KCNQ1: variants seen among roughly 807,000 people sequenced by gnomAD.
The protein encoded by KCNQ1 is potassium voltage-gated channel subfamily KQT member 1.
In KCNQ1, 49 loss-of-function variants were observed where a neutral mutation model predicts 72.4. The observed-to-expected ratio is 0.68, with a 90% confidence interval of 0.54 to 0.86. The LOEUF is 0.86. KCNQ1 is among the 40% of genes least tolerant of loss of function. The pLI, the probability that KCNQ1 is intolerant of heterozygous loss-of-function variation, is 0.00. For synonymous variants in KCNQ1, 450 were observed against 412.6 expected (o/e 1.09, Z -1.10); for missense variants, 790 against 945.1 (o/e 0.84, Z 2.15).
At chr11:2,741,734 A>G (rs1488265107) in intron 11 of KCNQ1, among the ~76,000 whole-genome samples, 1 of 152,218 alleles carries the variant, frequency 6.6e-6, no homozygotes, top group African/African-American at 2.4e-5. Flanking sequence ...GGGCCGGAGC[A>G]CAGCCGGCCT....
intron 1 of KCNQ1, among the ~76,000 whole-genome samples, chr11:2,448,294 T>G (rs913766464): frequency 1.5e-4 from 23 of 152,228 alleles, no homozygotes; most frequent in Non-Finnish European, 2.5e-4. Flanking sequence ...AACCTAAGTC[T>G]GGCTCAGCAG....
Position 2,724,991 on chromosome 11 carries a change from G to A in KCNQ1, c.1515-43853G>A, listed in dbSNP as rs1460325537. On this transcript the variant is annotated intron_variant, in intron 11 of 15. Transcript: ENST00000155840. The surrounding 1 kb of genome is among the most constrained non-coding windows in gnomAD (Gnocchi z 6.8). ...TCAGGAGCCACTGGATTGGAACTTG[G>A]TGTGCCACCAGGGTCCCTGTCCGTT... Among the ~76,000 whole-genome samples, 1 of 152,194 alleles carries A rather than the reference G, an allele frequency of 6.6e-6. No homozygotes were observed. Among genetic ancestry groups the A allele is most frequent in the Non-Finnish European group, 1.5e-5 (1 of 68,044 alleles).
At chr11:2,825,436 G>C (rs892361327) in intron 15 of KCNQ1, among the ~76,000 whole-genome samples, 2 of 152,014 alleles carry the variant, frequency 1.3e-5, no homozygotes, top group African/African-American at 4.8e-5. Context: ...CAAGCACCAC[G>C]CGGGGGGGTA....
intron 10 of KCNQ1, chr11:2,631,870 T>C (rs1382302334): frequency 2.5e-6 from 1 of 398,212 alleles, no homozygotes; most frequent in East Asian, 3.6e-5. Flanking sequence ...TTTCAGATTG[T>C]TTGTGATTAA....
At chr11:2,513,919 G>A (rs1245523946) in intron 1 of KCNQ1, among the ~76,000 whole-genome samples, 2 of 152,204 alleles carry the variant, frequency 1.3e-5, no homozygotes, top group African/African-American at 4.8e-5. Flanking sequence ...GGCCTCTGAT[G>A]CCCCCCGGCC....
In KCNQ1 at chr11:2,559,169, C is replaced by T. The variant is rs563553734; in HGVS notation, c.478-11459C>T. On this transcript the variant is annotated intron_variant, in intron 2 of 15. Coordinates refer to ENST00000155840, the MANE Select transcript of KCNQ1 (RefSeq NM_000218.3). The surrounding 1 kb of genome is among the most constrained non-coding windows in gnomAD (Gnocchi z 4.9). ...TCCCTTGAGCAAAATATTGCACTTT[C>T]GTTGCTCTCTGAAAGCCTACCAGGC... 8.5e-5 allele frequency among the ~76,000 whole-genome samples: 13 copies of T among 152,154 alleles called. No individual in the cohort carries two copies. In the South Asian group the frequency reaches 1.2e-3, roughly 15 times the overall value.
At position 2,488,008 on chromosome 11, in the gene KCNQ1, A is replaced by G. The variant is rs1411359664; in HGVS notation, c.387-39920A>G. On this transcript the variant is annotated intron_variant, in intron 1 of 15. Coordinates refer to ENST00000155840, the MANE Select transcript of KCNQ1 (RefSeq NM_000218.3). This position sits in a 1 kb window ranked among gnomAD's most constrained non-coding sequence, Gnocchi z 5.1. ...TATGATGTTAGCTGTGGATTTTCAC[A>G]TATGGTTTTTATTATGTTAAGGTAG... Among the ~76,000 whole-genome samples the G allele has an allele frequency of 1.3e-5, 2 of 152,156 alleles. No homozygotes were observed. Among genetic ancestry groups the G allele is most frequent in the African/African-American group, 2.4e-5 (1 of 41,440 alleles).
At chr11:2,699,048 T>C (rs1397148687) in intron 11 of KCNQ1, 2 of 398,500 alleles carry the variant, frequency 5.0e-6, no homozygotes, top group African/African-American at 2.1e-5. Flanking sequence ...CGGTCCCAAT[T>C]CGGGCTTTGA....
At chr11:2,705,284 C>T (rs1350496852) in intron 11 of KCNQ1, among the ~76,000 whole-genome samples, 3 of 152,166 alleles carry the variant, frequency 2.0e-5, no homozygotes, top group Admixed American at 6.5e-5. Flanking sequence ...AGGCGGTCTC[C>T]ATGAGTGGCA....
chr11:2,459,363 G>A (rs984067480), intron 1 of KCNQ1, among the ~76,000 whole-genome samples: 1 of 152,206 alleles, frequency 6.6e-6, no homozygotes, highest in Non-Finnish European at 1.5e-5. Flanking sequence ...CAGGGGCAGG[G>A]GTGGGGGGCA....
At position 2,473,657 on chromosome 11, in the gene KCNQ1, G is replaced by T. The variant is rs1329473293; in HGVS notation, c.386+28173G>T. ...CTCTGGAGGGACTGGGCCTCAGTTG[G>T]CCTGGCCTGGCGCGGGGCTGCCAGC... On this transcript the variant is annotated intron_variant, in intron 1 of 15. Transcript: ENST00000155840. This position sits in a 1 kb window ranked among gnomAD's most constrained non-coding sequence, Gnocchi z 6.0. Among the ~76,000 whole-genome samples, 1 of 152,214 alleles carries T rather than the reference G, an allele frequency of 6.6e-6. No homozygotes were observed. Among genetic ancestry groups the T allele is most frequent in the Non-Finnish European group, 1.5e-5 (1 of 68,028 alleles).
rs181130408 is a variant in KCNQ1, at chr11:2,631,104, C to A, written c.1394-30857C>A. 3.8e-5 allele frequency: 15 copies of A among 398,482 alleles called. 1 individual carries two copies. Among genetic ancestry groups the A allele is most frequent in the Admixed American group, 2.2e-4 (5 of 22,732 alleles). 24.7% of individuals were successfully genotyped at this position (398,482 alleles called of 1,614,324 possible). On this transcript the variant is annotated intron_variant, in intron 10 of 15. Transcript: ENST00000155840. The stretch of plus-strand genomic sequence containing the variant: ...TTGTAATTCTTTGAGCTTCATGTAC[C>A]TAGATGTCCATCAATCTGGGAAGAG...
At position 2,781,338 on chromosome 11, in the gene KCNQ1, A is replaced by AT. The variant is rs1846819239; in HGVS notation, c.1794+3301_1794+3302insT. ...CAAGGAGGACACAGACAGGGGTGGG[A>AT]GATGAGGTAGAGAGAGCAAGGAGGG... On this transcript the variant is annotated intron_variant, in intron 15 of 15. Coordinates refer to ENST00000155840, the MANE Select transcript of KCNQ1 (RefSeq NM_000218.3). The surrounding 1 kb of genome is among the most constrained non-coding windows in gnomAD (Gnocchi z 6.6). 6.6e-6 allele frequency among the ~76,000 whole-genome samples: 1 copy of AT among 152,064 alleles called. No homozygotes were observed.
chr11:2,598,446 ACAT>A lies in KCNQ1; in HGVS notation c.1393+9596_1393+9598del, dbSNP rs1455602339. On this transcript the variant is annotated intron_variant, in intron 10 of 15. Transcript: ENST00000155840. This position sits in a 1 kb window ranked among gnomAD's most constrained non-coding sequence, Gnocchi z 6.2. ...TTCTTTGTCTCCAAGTATGAAAATA[ACAT>A]CATTATTTTTGTAAATGCTCCACAG... is the stretch of plus-strand genomic sequence containing the variant. Among the ~76,000 whole-genome samples the A allele has an allele frequency of 6.6e-6, 1 of 152,194 alleles. No homozygotes were observed. The highest frequency in any genetic ancestry group is 1.5e-5 in the Non-Finnish European group (1 of 68,030).
chr11:2,693,356 G>A, intron 11 of KCNQ1: 1 of 398,716 alleles, frequency 2.5e-6, no homozygotes, highest in Admixed American at 4.4e-5. Flanking sequence ...ACCCTGGGTG[G>A]GGGCCGAGTC....
Position 2,814,280 on chromosome 11 carries a change from G to GGGATGGAT in KCNQ1, c.1795-33470_1795-33463dup, listed in dbSNP as rs375570048. ...GCTGAATAAAGGATGGATGGATGGTGGGATGGATGGATGGATGGATGGATA... is the reference window on the plus strand; with the variant it reads ...GCTGAATAAAGGATGGATGGATGGTGGGATGGATGGATGGATGGATGGATGGATGGATA... On this transcript the variant is annotated intron_variant, in intron 15 of 15. Transcript: ENST00000155840. 5.1e-5 allele frequency among the ~76,000 whole-genome samples: 7 copies of GGGATGGAT among 138,236 alleles called. No homozygotes were observed. In the East Asian group the frequency reaches 1.0e-3, roughly 21 times the overall value. 90.7% of individuals were successfully genotyped at this position (138,236 alleles called of 152,430 possible).
At position 2,570,740 on chromosome 11, in the gene KCNQ1, C is replaced by T. The variant is rs200108320; in HGVS notation, c.590C>T (p.Pro197Leu). ...LWGRLRFARKPISIIDLIVVV... is the reference protein window; with the variant it reads ...LWGRLRFARKLISIIDLIVVV... The stretch of plus-strand genomic sequence containing the variant: ...GGGCGGCTGCGCTTTGCCCGGAAGC[C>T]CATTTCCATCATCGGTGAGTCATGC... The change falls in exon 3 of 16, where the codon CCC (proline) becomes CTC (leucine). Residue 197 changes from proline (P) to leucine (L), a missense_variant. Around this residue, in one of 5 missense-constraint regions of KCNQ1, gnomAD observed 294 missense variants for 323.3 expected, o/e 0.91. Coordinates refer to ENST00000155840, the MANE Select transcript of KCNQ1 (RefSeq NM_000218.3). 54 of 1,611,314 alleles carry T rather than the reference C, an allele frequency of 3.4e-5. No individual in the cohort carries two copies. Among genetic ancestry groups the T allele is most frequent in the Non-Finnish European group, 4.6e-5 (54 of 1,179,994 alleles).
rs1403390550 is a variant in KCNQ1 at position 2,534,236 on chromosome 11, G to A, written c.477+6218G>A. On this transcript the variant is annotated intron_variant, in intron 2 of 15. Transcript: ENST00000155840. ...GGTCGGGTCCTGTCCTCAGCGCCCT[G>A]GCCTCCACTTGCTCAGGGCGCCCGC... Among the ~76,000 whole-genome samples, 4 of 152,344 alleles carry A rather than the reference G, an allele frequency of 2.6e-5. No homozygotes were observed. The East Asian group carries it at 7.7e-4, about 29-fold the overall frequency.
At position 2,734,478 on chromosome 11, in the gene KCNQ1, T is replaced by A. The variant is rs927864922; in HGVS notation, c.1515-34366T>A. Among the ~76,000 whole-genome samples, 3 of 152,142 alleles carry A rather than the reference T, an allele frequency of 2.0e-5. No homozygotes were observed. Among genetic ancestry groups the A allele is most frequent in the Non-Finnish European group, 4.4e-5 (3 of 67,962 alleles). ...GCTGGGCAAGGCAGGACGGGATCCTTGGTGATGGGCAGAATGTGGGGAGCA... is the reference window on the plus strand; with the variant it reads ...GCTGGGCAAGGCAGGACGGGATCCTAGGTGATGGGCAGAATGTGGGGAGCA... On this transcript the variant is annotated intron_variant, in intron 11 of 15. Coordinates refer to ENST00000155840, the MANE Select transcript of KCNQ1 (RefSeq NM_000218.3). The surrounding 1 kb of genome is among the most constrained non-coding windows in gnomAD (Gnocchi z 7.0).
Sources: gnomAD v4.1 joint callset for allele counts (sites outside exome capture counted in the v4.1 genomes callset) on GRCh38, gnomAD v4.1.1 for gene constraint, gnomAD v4.1.1 regional missense constraint, Gnocchi (gnomAD v3.1) non-coding constraint, MANE v1.5 for transcripts, NCBI Gene and HGNC (gene_info 2026-07-23, HGNC 2026-07-21) for gene names.